The following TMEM97 variants were observed in gnomAD, a reference collection of about 807,000 sequenced individuals.
TMEM97 encodes the protein sigma intracellular receptor 2.
TMEM97 carries 13 observed loss-of-function variants against 18.3 expected under a neutral mutation model. The ratio of observed to expected loss-of-function variants is 0.71; its 90% confidence interval spans 0.46 to 1.13. The LOEUF (loss-of-function observed/expected upper bound fraction) is 1.13. Ranked by LOEUF, TMEM97 falls within the 50% of genes most tolerant of loss-of-function variation. The pLI is 0.00. For synonymous variants in TMEM97, 76 were observed against 85.3 expected, an observed-to-expected ratio of 0.89 and a Z score of 0.60; for missense variants, 205 against 210.5, an observed-to-expected ratio of 0.97 and a Z score of 0.16.
At position 28,328,337 on chromosome 17, in the gene TMEM97, CAAA is replaced by C. The variant is rs1230816773; in HGVS notation, c.*1547_*1549del. Reference sequence around the variant, plus strand: ...AAAGGTACATCAAGCCATTTGAAAACAAAAATTTATTGCTTCTCCTTCCAAAGC... The same window carrying C: ...AAAGGTACATCAAGCCATTTGAAAACAATTTATTGCTTCTCCTTCCAAAGC... On this transcript the variant is annotated 3_prime_UTR_variant, in exon 3 of 3. Transcript: ENST00000226230. 1 of 258,578 alleles carries C rather than the reference CAAA, an allele frequency of 3.9e-6. No individual in the cohort carries two copies. Among genetic ancestry groups the C allele is most frequent in the Admixed American group, 5.5e-5 (1 of 18,252 alleles). 16.0% of individuals were successfully genotyped at this position (258,578 alleles called of 1,614,324 possible).
intron 1 of TMEM97, among the ~76,000 whole-genome samples, chr17:28,321,756 T>C (rs1274417283): frequency 6.6e-6 from 1 of 151,746 alleles, no homozygotes; most frequent in African/African-American, 2.4e-5. Flanking sequence ...GCTGACTTAC[T>C]GCAGAAGGCC....
chr17:28,319,473 T>TCGGGTCCTGCCCATGCCTCCCC (rs1906055098), intron 1 of TMEM97, 108 bp downstream of exon 1: 3 of 1,351,908 alleles, frequency 2.2e-6, no homozygotes, highest in Non-Finnish European at 1.9e-6. Context: ...GTTGCCTCTC[T>TCGGGTCCTGCCCATGCCTCCCC]CGGGTCCTGC....
chr17:28,319,380 T>C lies in TMEM97; in HGVS notation c.126+15T>C. 6.5e-7 allele frequency: 1 copy of C among 1,546,016 alleles called. No individual in the cohort carries two copies. Among genetic ancestry groups the C allele is most frequent in the Non-Finnish European group, 8.7e-7 (1 of 1,151,846 alleles). On this transcript the variant is annotated intron_variant, in intron 1 of 2. Coordinates refer to ENST00000226230, the MANE Select transcript of TMEM97 (RefSeq NM_014573.3). Reference sequence around the variant, plus strand: ...ACCCAGTCGAGGTGAGGGGCGCCCCTCTTATCCCGGCCCGCTGAGGCTCTC... The same window carrying C: ...ACCCAGTCGAGGTGAGGGGCGCCCCCCTTATCCCGGCCCGCTGAGGCTCTC...
chr17:28,327,194 C>T lies in TMEM97; in HGVS notation c.*401C>T, dbSNP rs368511557. The T allele has an allele frequency of 5.4e-5, 11 of 202,640 alleles. No individual in the cohort carries two copies. The South Asian group carries it at 5.9e-4, about 11-fold the overall frequency. The allele number at this position is 202,640 out of a possible 1,614,324, so 12.6% of individuals were successfully genotyped here. A position where few individuals can be genotyped will look rare whatever the true frequency, so the allele number is the denominator to read the frequency against. On this transcript the variant is annotated 3_prime_UTR_variant, in exon 3 of 3. Coordinates refer to ENST00000226230, the MANE Select transcript of TMEM97 (RefSeq NM_014573.3). ...CCATGTTGCCCAGGTTGGTCTCGAA[C>T]GCCTAGGCTCAAGTGATCTGCCCAC... is the stretch of plus-strand genomic sequence containing the variant.
At chr17:28,324,413 G>C (rs1324491882) in intron 1 of TMEM97, among the ~76,000 whole-genome samples, 1 of 152,174 alleles carries the variant, frequency 6.6e-6, no homozygotes, top group African/African-American at 2.4e-5. Context: ...CAATAGCGAG[G>C]CTTTATCTTT....
rs1906418310 is a variant in TMEM97 at position 28,327,650 on chromosome 17, G to T, written c.*857G>T. The T allele has an allele frequency of 6.6e-6, 1 of 152,146 alleles. No individual in the cohort carries two copies. The highest frequency in any genetic ancestry group is 1.5e-5 in the Non-Finnish European group (1 of 68,016). 9.4% of individuals were successfully genotyped at this position (152,146 alleles called of 1,614,324 possible). A position where few individuals can be genotyped will look rare whatever the true frequency, so the allele number is the denominator to read the frequency against. On this transcript the variant is annotated 3_prime_UTR_variant, in exon 3 of 3. Coordinates refer to ENST00000226230, the MANE Select transcript of TMEM97 (RefSeq NM_014573.3). ...TCCCACCTCTAACCCAAGGAAAAAA[G>T]AGAAAACATACTATGCAAAGGAAGT...
At chr17:28,319,562 A>G in intron 1 of TMEM97, 197 bp downstream of exon 1, 1 of 572,838 alleles carries the variant, frequency 1.7e-6, no homozygotes, top group South Asian at 3.9e-5. Flanking sequence ...CCCTTCTCCC[A>G]AGCGGCGGGG....
chr17:28,325,658 G>A lies in TMEM97; in HGVS notation c.271+11G>A, dbSNP rs200835678. 5 of 1,613,394 alleles carry A rather than the reference G, an allele frequency of 3.1e-6. No homozygotes were observed. The highest frequency in any genetic ancestry group is 3.4e-6 in the Non-Finnish European group (4 of 1,179,868). On this transcript the variant is annotated intron_variant, in intron 2 of 2. Coordinates refer to ENST00000226230, the MANE Select transcript of TMEM97 (RefSeq NM_014573.3). ...ATGCCTTCCTCAAAGGTTGGTAAAT[G>A]GTGGGAAAATCCCATTTTTACTCAG...
intron 1 of TMEM97, among the ~76,000 whole-genome samples, chr17:28,321,800 C>G (rs922405159): frequency 2.3e-4 from 31 of 132,208 alleles, no homozygotes; most frequent in Admixed American, 1.5e-4. Context: ...TGGCCAGAAC[C>G]TGTGTGTGTG....
chr17:28,322,318 C>T (rs541491595), intron 1 of TMEM97, among the ~76,000 whole-genome samples: 22 of 151,614 alleles, frequency 1.5e-4, no homozygotes, highest in Non-Finnish European at 2.8e-4. Context: ...AATCTCGGCT[C>T]ACTGCAACCT....
rs145467782 is a variant in TMEM97 at position 28,322,337 on chromosome 17, C to T, written c.126+2972C>T. ...TCGGCTCACTGCAACCTCTGCCTCT[C>T]GGGTTCAAGCAATTCTCCTGCCTCA... On this transcript the variant is annotated intron_variant, in intron 1 of 2. Transcript: ENST00000226230. Among the ~76,000 whole-genome samples, 905 of 151,726 alleles carry T rather than the reference C, an allele frequency of 6.0e-3. 11 individuals are homozygous for T. The highest frequency in any genetic ancestry group is 0.021 in the African/African-American group (859 of 41,326).
rs1244024923 is a variant in TMEM97 at position 28,319,216 on chromosome 17, G to T, written c.-24G>T. On this transcript the variant is annotated 5_prime_UTR_variant, in exon 1 of 3. Coordinates refer to ENST00000226230, the MANE Select transcript of TMEM97 (RefSeq NM_014573.3). ...ATTTGGCCCCTCTTCTCACATCAGC[G>T]GGTCCAGGCCCAACCGACAGACTAT... The T allele has an allele frequency of 1.9e-6, 3 of 1,575,762 alleles. No homozygotes were observed. Among genetic ancestry groups the T allele is most frequent in the Non-Finnish European group, 2.6e-6 (3 of 1,161,468 alleles).
At chr17:28,320,395 A>G (rs1489315627) in intron 1 of TMEM97, among the ~76,000 whole-genome samples, 3 of 152,164 alleles carry the variant, frequency 2.0e-5, no homozygotes, top group Non-Finnish European at 4.4e-5. Flanking sequence ...CCACTCCCAT[A>G]AGTCACTCTT....
intron 1 of TMEM97, 29 bp downstream of exon 1, chr17:28,319,394 G>C (rs782633089): frequency 7.8e-6 from 11 of 1,401,610 alleles, no homozygotes; most frequent in Non-Finnish European, 6.5e-6. Flanking sequence ...ATCCCGGCCC[G>C]CTGAGGCTCT....
In TMEM97 at chr17:28,327,488, T is replaced by C. The variant is rs1229679251; in HGVS notation, c.*695T>C. On this transcript the variant is annotated 3_prime_UTR_variant, in exon 3 of 3. Transcript: ENST00000226230. ...ACCTGACCCACAGCATATATGCTTATGACTAAACCCTCCACTCCTGATTCT... is the reference window on the plus strand; with the variant it reads ...ACCTGACCCACAGCATATATGCTTACGACTAAACCCTCCACTCCTGATTCT... The C allele has an allele frequency of 8.5e-5, 13 of 152,294 alleles. No individual in the cohort carries two copies. Among genetic ancestry groups the C allele is most frequent in the Non-Finnish European group, 1.2e-4 (8 of 68,086 alleles). The allele number at this position is 152,294 out of a possible 1,614,324, so 9.4% of individuals were successfully genotyped here.
In TMEM97 at chr17:28,328,622, C is replaced by G; in HGVS notation, c.*1829C>G. The G allele has an allele frequency of 3.4e-6, 5 of 1,484,170 alleles. No homozygotes were observed. Among genetic ancestry groups the G allele is most frequent in the Non-Finnish European group, 4.6e-6 (5 of 1,078,868 alleles). 91.9% of individuals were successfully genotyped at this position (1,484,170 alleles called of 1,614,324 possible). The stretch of plus-strand genomic sequence containing the variant: ...TTTTGAGAGGCTTTTTTTTGTTTTG[C>G]CTTCCTACTATAAAAGCGAAATTTT... On this transcript the variant is annotated 3_prime_UTR_variant, in exon 3 of 3. Transcript: ENST00000226230.
chr17:28,325,994 C>T (rs1421043268), intron 2 of TMEM97, among the ~76,000 whole-genome samples: 1 of 152,254 alleles, frequency 6.6e-6, no homozygotes, highest in African/African-American at 2.4e-5. Flanking sequence ...TGGATAGTAT[C>T]ATACTGACTT....
At position 28,326,964 on chromosome 17, in the gene TMEM97, A is replaced by C. The variant is rs1319722620; in HGVS notation, c.*171A>C. ...CCATGTCAAACCCTCACCTTCTTCC[A>C]TTTTTTTTTTTTTTTTAAGACAGTC... is the stretch of plus-strand genomic sequence containing the variant. On this transcript the variant is annotated 3_prime_UTR_variant, in exon 3 of 3. Transcript: ENST00000226230. The C allele has an allele frequency of 1.5e-5, 9 of 620,018 alleles. No homozygotes were observed. The highest frequency in any genetic ancestry group is 2.1e-5 in the Non-Finnish European group (8 of 387,998). 38.4% of individuals were successfully genotyped at this position (620,018 alleles called of 1,614,324 possible).
chr17:28,321,046 G>T (rs1203878802), intron 1 of TMEM97, among the ~76,000 whole-genome samples: 1 of 152,158 alleles, frequency 6.6e-6, no homozygotes, highest in African/African-American at 2.4e-5. Flanking sequence ...ATCTTTGGGG[G>T]CCATTATTCA....
Sources: gnomAD v4.1 joint callset for allele counts (sites outside exome capture counted in the v4.1 genomes callset) on GRCh38, gnomAD v4.1.1 for gene constraint, MANE v1.5 for transcripts, NCBI Gene and HGNC (gene_info 2026-07-23, HGNC 2026-07-21) for gene names.